The following ASAP2 variants were observed in gnomAD, a reference collection of about 807,000 sequenced individuals.
The protein encoded by ASAP2 is arf-GAP with SH3 domain, ANK repeat and PH domain-containing protein 2.
Under a neutral mutation model 131.4 loss-of-function variants are expected in ASAP2, and 45 were observed. The ratio of observed to expected loss-of-function variants is 0.34; its 90% CI spans 0.27 to 0.44. The LOEUF (loss-of-function observed/expected upper bound fraction) is 0.44. ASAP2 is among the 20% of genes least tolerant of loss of function. The pLI is 1.00. For synonymous variants in ASAP2, 510 were observed against 503.0 expected (o/e 1.01, Z -0.19); for missense variants, 1,011 against 1,297.0 (o/e 0.78, Z 3.39).
chr2:9,397,750 A>ATATATATATTTTTTTT (rs1343127000), intron 24 of ASAP2, among the ~76,000 whole-genome samples: 1 of 44,810 alleles, frequency 2.2e-5, no homozygotes, highest in African/African-American at 1.7e-4. Context: ...ATATATATAT[A>ATATATATATTTTTTTT]TTTTTTTTTT....
chr2:9,275,735 C>G (rs1243919058), intron 1 of ASAP2, among the ~76,000 whole-genome samples: 1 of 152,192 alleles, frequency 6.6e-6, no homozygotes, highest in African/African-American at 2.4e-5. Context: ...TCATCCTTTC[C>G]TGAGCTGCTT....
intron 27 of ASAP2, among the ~76,000 whole-genome samples, chr2:9,402,546 A>G (rs1263988905): frequency 6.6e-6 from 1 of 152,064 alleles, no homozygotes; most frequent in Non-Finnish European, 1.5e-5. Context: ...GTTGCCCACA[A>G]CCCACCATCC....
At chr2:9,317,604 ACT>A (rs1353262335) in intron 3 of ASAP2, among the ~76,000 whole-genome samples, 2 of 150,040 alleles carry the variant, frequency 1.3e-5, no homozygotes, top group Non-Finnish European at 3.0e-5. Flanking sequence ...ACATTCACGC[ACT>A]CACATCCACA....
intron 1 of ASAP2, among the ~76,000 whole-genome samples, chr2:9,252,541 T>C (rs1344416564): frequency 6.6e-6 from 1 of 151,734 alleles, no homozygotes; most frequent in Non-Finnish European, 1.5e-5. Context: ...ACCACTGCAT[T>C]CCAGCCTGGG....
chr2:9,261,948 CCCA>C, intron 1 of ASAP2, among the ~76,000 whole-genome samples: 1 of 152,326 alleles, frequency 6.6e-6, no homozygotes. Flanking sequence ...AGCGCCTCAC[CCCA>C]CCATTTGCCA....
At chr2:9,317,837 A>G (rs1293750264) in intron 3 of ASAP2, among the ~76,000 whole-genome samples, 3 of 151,722 alleles carry the variant, frequency 2.0e-5, no homozygotes, top group Admixed American at 6.6e-5. Context: ...GTCCCTTAAC[A>G]TGCTCCCTCA....
intron 14 of ASAP2, among the ~76,000 whole-genome samples, chr2:9,357,742 A>C (rs1415352305): frequency 6.6e-6 from 1 of 152,210 alleles, no homozygotes; most frequent in African/African-American, 2.4e-5. Flanking sequence ...GTCGTCCTAC[A>C]CAAGTGCAGA....
chr2:9,214,282 GGCTGGAGT>G (rs2147945799), intron 1 of ASAP2, among the ~76,000 whole-genome samples: 1 of 152,150 alleles, frequency 6.6e-6, no homozygotes, highest in Admixed American at 6.5e-5. Context: ...CGGTTACCCA[GGCTGGAGT>G]GCAGTGGTGC....
chr2:9,265,300 C>T lies in ASAP2; in HGVS notation c.127-14017C>T, dbSNP rs189795363. Among the ~76,000 whole-genome samples the T allele has an allele frequency of 5.9e-5, 9 of 152,332 alleles. No homozygotes were observed. The East Asian group carries it at 1.7e-3, about 29-fold the overall frequency. On this transcript the variant is annotated intron_variant, in intron 1 of 27. Coordinates refer to ENST00000281419, the MANE Select transcript of ASAP2 (RefSeq NM_003887.3). Reference sequence around the variant, plus strand: ...GCAAATATGACAACATTCTACATTACGAATTGAGCATCCTTGGATTTTGGA... The same window carrying T: ...GCAAATATGACAACATTCTACATTATGAATTGAGCATCCTTGGATTTTGGA...
At chr2:9,292,961 A>G (rs546551890) in intron 2 of ASAP2, among the ~76,000 whole-genome samples, 2 of 152,364 alleles carry the variant, frequency 1.3e-5, no homozygotes, top group East Asian at 3.9e-4. Flanking sequence ...GCTGTGGGCC[A>G]CACTGACCTG....
intron 1 of ASAP2, among the ~76,000 whole-genome samples, chr2:9,214,825 A>G (rs1219040633): frequency 2.6e-5 from 4 of 151,680 alleles, no homozygotes; most frequent in Non-Finnish European, 5.9e-5. Context: ...CCTTCCTTAG[A>G]AAGCACTTAA....
At chr2:9,310,315 G>A (rs1348923462) in intron 3 of ASAP2, among the ~76,000 whole-genome samples, 1 of 152,222 alleles carries the variant, frequency 6.6e-6, no homozygotes, top group Non-Finnish European at 1.5e-5. Flanking sequence ...CCTCAGGTAA[G>A]ATCCTTTGGC....
intron 6 of ASAP2, among the ~76,000 whole-genome samples, chr2:9,325,627 A>G (rs1462780547): frequency 6.6e-6 from 1 of 152,358 alleles, no homozygotes; most frequent in East Asian, 1.9e-4. Flanking sequence ...TTGGTTCCCC[A>G]CTTGGCTCTG....
intron 2 of ASAP2, among the ~76,000 whole-genome samples, chr2:9,286,132 C>G (rs770456920): frequency 6.6e-6 from 1 of 152,124 alleles, no homozygotes; most frequent in South Asian, 2.1e-4. Flanking sequence ...CACGGTGACT[C>G]ACGCCTGTAA....
intron 1 of ASAP2, among the ~76,000 whole-genome samples, chr2:9,252,107 C>T (rs370300651): frequency 6.6e-6 from 1 of 152,154 alleles, no homozygotes; most frequent in Non-Finnish European, 1.5e-5. Context: ...TCACAAAAGC[C>T]GTTAACACAC....
chr2:9,253,605 G>T (rs557338697), intron 1 of ASAP2, among the ~76,000 whole-genome samples: 1 of 152,110 alleles, frequency 6.6e-6, no homozygotes, highest in Admixed American at 6.6e-5. Flanking sequence ...TCATCTCTGC[G>T]CTGCTTTCTG....
intron 6 of ASAP2, among the ~76,000 whole-genome samples, chr2:9,323,801 G>A (rs372489626): frequency 2.0e-5 from 3 of 152,178 alleles, no homozygotes; most frequent in Admixed American, 6.5e-5. Flanking sequence ...CATTCCACCC[G>A]CAGCCTCAGC....
chr2:9,396,984 A>G (rs530095351), intron 24 of ASAP2, among the ~76,000 whole-genome samples: 1 of 152,354 alleles, frequency 6.6e-6, no homozygotes, highest in East Asian at 1.9e-4. Flanking sequence ...CCTGGGCAAC[A>G]GAGCCAGACT....
At chr2:9,286,447 A>AAAAAAATATATATATATATATATATATAT (rs58605449) in intron 2 of ASAP2, among the ~76,000 whole-genome samples, 1 of 148,486 alleles carries the variant, frequency 6.7e-6, no homozygotes, top group African/African-American at 2.5e-5. Context: ...GAAAAAAAAA[A>AAAAAAATATATATATATATATATATATAT]ATATATATAT....
Sources: allele counts gnomAD v4.1 joint callset (sites outside exome capture counted in the v4.1 genomes callset), GRCh38; gene constraint gnomAD v4.1.1; transcripts MANE v1.5; gene names NCBI Gene and HGNC (gene_info 2026-07-23, HGNC 2026-07-21).